The following NRXN1 variants were observed in gnomAD, a reference collection of about 807,000 sequenced individuals.
NRXN1 encodes neurexin 1.
In NRXN1, 39 loss-of-function variants were observed where a neutral mutation model predicts 150.9. The ratio of observed to expected loss-of-function variants is 0.26; its 90% confidence interval spans 0.20 to 0.34. The LOEUF (loss-of-function observed/expected upper bound fraction) is 0.34, where lower values mean the gene tolerates loss of function less well. Among genes scored for constraint, NRXN1 ranks in the 10% least tolerant of loss-of-function variants. The pLI is 1.00. For missense variants in NRXN1, 1,815 were observed against 1,949.9 expected (o/e 0.93, Z 1.30); for synonymous variants, 924 against 757.0 (o/e 1.22, Z -3.62).
chr2:51,030,932 T>G (rs2105353296), intron 1 of NRXN1, among the ~76,000 whole-genome samples: 1 of 152,206 alleles, frequency 6.6e-6, no homozygotes, highest in African/African-American at 2.4e-5. Flanking sequence ...TTGTATTAAT[T>G]AATGTTACAT....
At chr2:50,729,459 G>A (rs1001473162) in intron 5 of NRXN1, among the ~76,000 whole-genome samples, 8 of 152,212 alleles carry the variant, frequency 5.3e-5, no homozygotes, top group Admixed American at 2.0e-4. Context: ...GAGCTAGGAT[G>A]TGAACCCAGG....
chr2:50,374,272 C>T (rs1217863422), intron 17 of NRXN1, among the ~76,000 whole-genome samples: 1 of 149,892 alleles, frequency 6.7e-6, no homozygotes, highest in Non-Finnish European at 1.5e-5. Flanking sequence ...GCATGGAGGA[C>T]AGAGTGAGAC....
intron 18 of NRXN1, among the ~76,000 whole-genome samples, chr2:50,215,363 G>A (rs1192510695): frequency 1.3e-5 from 2 of 151,980 alleles, no homozygotes; most frequent in South Asian, 2.1e-4. Context: ...GTGTCAGTGC[G>A]ATTCTTAAAG....
chr2:50,634,878 C>G (rs978595278), intron 5 of NRXN1, among the ~76,000 whole-genome samples: 4 of 152,118 alleles, frequency 2.6e-5, no homozygotes, highest in African/African-American at 9.7e-5. Context: ...CTGACCTCTG[C>G]TGCCCTTCAT....
chr2:50,949,567 T>G (rs1285329387), intron 2 of NRXN1, among the ~76,000 whole-genome samples: 1 of 152,052 alleles, frequency 6.6e-6, no homozygotes, highest in Non-Finnish European at 1.5e-5. Context: ...CTCTCATTCT[T>G]CCTAGTGCAA....
intron 17 of NRXN1, among the ~76,000 whole-genome samples, chr2:50,270,313 G>T (rs953193464): frequency 4.6e-5 from 7 of 152,104 alleles, no homozygotes; most frequent in African/African-American, 1.7e-4. Context: ...AGACTATTTT[G>T]TATACATATG....
chr2:50,663,121 C>T (rs1024851547), intron 5 of NRXN1, among the ~76,000 whole-genome samples: 8 of 152,028 alleles, frequency 5.3e-5, no homozygotes, highest in Non-Finnish European at 1.0e-4. Flanking sequence ...TCATCTGCTT[C>T]GCAGTGTTTC....
At chr2:50,745,628 C>A (rs1699932383) in intron 5 of NRXN1, among the ~76,000 whole-genome samples, 1 of 152,068 alleles carries the variant, frequency 6.6e-6, no homozygotes, top group South Asian at 2.1e-4. Context: ...TTAATTGATT[C>A]ACAGATCAGC....
At chr2:50,181,163 G>A (rs563493248) in intron 18 of NRXN1, among the ~76,000 whole-genome samples, 3 of 151,926 alleles carry the variant, frequency 2.0e-5, no homozygotes, top group Non-Finnish European at 4.4e-5. Context: ...CATGACATAA[G>A]TGCATGATGA....
intron 17 of NRXN1, among the ~76,000 whole-genome samples, chr2:50,426,468 C>T (rs934067103): frequency 6.6e-6 from 1 of 152,106 alleles, no homozygotes; most frequent in East Asian, 1.9e-4. Context: ...TAATAGCATG[C>T]GTACTGCACA....
At chr2:50,308,250 C>A (rs1313119572) in intron 17 of NRXN1, among the ~76,000 whole-genome samples, 2 of 152,138 alleles carry the variant, frequency 1.3e-5, no homozygotes, top group East Asian at 3.9e-4. Context: ...TTACTAATAT[C>A]TCTCCATCTC....
At chr2:50,010,561 C>T (rs1238931429) in intron 21 of NRXN1, among the ~76,000 whole-genome samples, 1 of 152,064 alleles carries the variant, frequency 6.6e-6, no homozygotes, top group Non-Finnish European at 1.5e-5. Context: ...TAATGTAAGA[C>T]CCTCACAGAC....
intron 2 of NRXN1, among the ~76,000 whole-genome samples, chr2:50,953,740 T>C (rs555257936): frequency 1.3e-5 from 2 of 152,118 alleles, no homozygotes; most frequent in Admixed American, 6.5e-5. Context: ...TTTTGTATTT[T>C]AGTAGAGACG....
intron 5 of NRXN1, among the ~76,000 whole-genome samples, chr2:50,810,257 T>C (rs749045313): frequency 1.3e-5 from 2 of 152,154 alleles, no homozygotes; most frequent in African/African-American, 2.4e-5. Context: ...CGAACTACCA[T>C]TGGATCATTT....
At chr2:50,735,548 C>T (rs148779167) in intron 5 of NRXN1, among the ~76,000 whole-genome samples, 1 of 152,206 alleles carries the variant, frequency 6.6e-6, no homozygotes, top group East Asian at 1.9e-4. Context: ...TATACCATAT[C>T]CCATATCCTA....
At chr2:50,684,805 T>C (rs1287627957) in intron 5 of NRXN1, among the ~76,000 whole-genome samples, 2 of 152,222 alleles carry the variant, frequency 1.3e-5, no homozygotes, top group Non-Finnish European at 2.9e-5. Flanking sequence ...AAGTTTCCTA[T>C]ACTTTATTTT....
At chr2:50,593,394 CA>C (rs930297333) in intron 8 of NRXN1, among the ~76,000 whole-genome samples, 1 of 152,140 alleles carries the variant, frequency 6.6e-6, no homozygotes, top group Non-Finnish European at 1.5e-5. Flanking sequence ...ACTGAATTTA[CA>C]AGCATGTATA....
chr2:50,125,300 GAATAC>G (rs1704408473), intron 18 of NRXN1, among the ~76,000 whole-genome samples: 1 of 152,084 alleles, frequency 6.6e-6, no homozygotes, highest in South Asian at 2.1e-4. Flanking sequence ...TGGCACATTT[GAATAC>G]AATCTATATA....
intron 21 of NRXN1, chr2:49,973,744 C>T: frequency 3.7e-6 from 2 of 540,852 alleles, no homozygotes; most frequent in Admixed American, 3.4e-5. Flanking sequence ...GGTTTAAGGA[C>T]ATTTTAAAAT....
Sources: allele counts gnomAD v4.1 joint callset (sites outside exome capture counted in the v4.1 genomes callset), GRCh38; gene constraint gnomAD v4.1.1; transcripts MANE v1.5; gene names NCBI Gene and HGNC (gene_info 2026-07-23, HGNC 2026-07-21).